GALNT13: variants seen among roughly 807,000 people sequenced by gnomAD.
GALNT13 encodes polypeptide N-acetylgalactosaminyltransferase 13.
A neutral mutation model predicts 64.2 loss-of-function variants in GALNT13; 28 were observed. That is an observed-to-expected ratio of 0.44 (90% CI 0.32 to 0.60). The LOEUF (loss-of-function observed/expected upper bound fraction) is 0.60. Among genes scored for constraint, GALNT13 ranks in the 20% least tolerant of loss-of-function variants. The probability of loss-of-function intolerance (pLI) is 0.05; values close to 1 mark genes in which losing one functional copy is unlikely to be tolerated. For synonymous variants in GALNT13, 214 were observed against 224.6 expected (o/e 0.95, Z 0.42); for missense variants, 577 against 669.8 (o/e 0.86, Z 1.53).
chr2:154,168,556 C>T (rs965232318), intron 4 of GALNT13, among the ~76,000 whole-genome samples: 7 of 151,458 alleles, frequency 4.6e-5, no homozygotes, highest in African/African-American at 1.2e-4. Context: ...GAGATTTGGC[C>T]GGGTGTAGTG....
At chr2:154,264,932 A>AAT (rs1690905211) in intron 8 of GALNT13, among the ~76,000 whole-genome samples, 1 of 151,134 alleles carries the variant, frequency 6.6e-6, no homozygotes, top group Admixed American at 6.6e-5. Context: ...ATATAAAAGG[A>AAT]ATATATATAA....
the GALNT13 span, among the ~76,000 whole-genome samples, chr2:153,830,046 G>T: frequency 6.6e-6 from 1 of 152,152 alleles, no homozygotes; most frequent in South Asian, 2.1e-4. Context: ...AGTTTTAAAA[G>T]TATTTTTAGA....
chr2:154,347,049 G>T (rs955446309), intron 9 of GALNT13, among the ~76,000 whole-genome samples: 3 of 152,016 alleles, frequency 2.0e-5, no homozygotes, highest in African/African-American at 4.8e-5. Context: ...ACCTCATGCA[G>T]AAAATTGGAA....
chr2:154,272,410 C>A (rs1691403059), intron 8 of GALNT13, among the ~76,000 whole-genome samples: 1 of 151,932 alleles, frequency 6.6e-6, no homozygotes. Flanking sequence ...TATTAGAGAC[C>A]AATGTCTAAA....
intron 3 of GALNT13, among the ~76,000 whole-genome samples, chr2:154,060,432 T>G (rs1700117645): frequency 6.6e-6 from 1 of 152,164 alleles, no homozygotes. Flanking sequence ...CTCATCTCGT[T>G]GCAACCTCCA....
intron 3 of GALNT13, among the ~76,000 whole-genome samples, chr2:154,029,430 T>C (rs1203617888): frequency 6.6e-6 from 1 of 152,062 alleles, no homozygotes; most frequent in Non-Finnish European, 1.5e-5. Context: ...AAGAAATGGC[T>C]ATCCATGTAT....
the GALNT13 span, among the ~76,000 whole-genome samples, chr2:153,691,128 A>G: frequency 6.6e-6 from 1 of 152,158 alleles, no homozygotes; most frequent in Non-Finnish European, 1.5e-5. Context: ...GTGGAGTACT[A>G]TAAGCAATGG....
At chr2:153,905,274 T>C (rs1688483070) in intron 2 of GALNT13, among the ~76,000 whole-genome samples, 1 of 151,956 alleles carries the variant, frequency 6.6e-6, no homozygotes, top group Non-Finnish European at 1.5e-5. Context: ...ATGAACATAA[T>C]ATATACAGCA....
chr2:153,474,740 A>G, the GALNT13 span, among the ~76,000 whole-genome samples: 1 of 152,146 alleles, frequency 6.6e-6, no homozygotes, highest in Non-Finnish European at 1.5e-5. Flanking sequence ...GTATTTCCAG[A>G]AGGGCTTCAG....
rs572812869 is a variant in GALNT13, at chr2:154,113,697, T to A, written c.143-26640T>A. ...TGCTCACTGGATCCAATCAGCATAA[T>A]GTCATCAATGTAATGGACAAGTGTG... On this transcript the variant is annotated intron_variant, in intron 3 of 12. Transcript: ENST00000392825. Among the ~76,000 whole-genome samples the A allele has an allele frequency of 2.0e-5, 3 of 152,322 alleles. No individual in the cohort carries two copies. In the South Asian group the frequency reaches 6.2e-4, roughly 32 times the overall value.
chr2:153,449,488 C>A, the GALNT13 span, among the ~76,000 whole-genome samples: 1 of 152,196 alleles, frequency 6.6e-6, no homozygotes, highest in Admixed American at 6.5e-5. Context: ...CGCTCCCTTC[C>A]ATTGTCCCTC....
At chr2:153,821,810 G>A in the GALNT13 span, among the ~76,000 whole-genome samples, 3 of 151,752 alleles carry the variant, frequency 2.0e-5, no homozygotes, top group Non-Finnish European at 2.9e-5. Context: ...TCTCTTAAAG[G>A]GTAAACAAGA....
chr2:153,194,400 TG>T, the GALNT13 span, among the ~76,000 whole-genome samples: 1 of 152,210 alleles, frequency 6.6e-6, no homozygotes, highest in Non-Finnish European at 1.5e-5. Flanking sequence ...AATTGTAATT[TG>T]TATTTTATTT....
At chr2:154,182,499 G>A (rs1686014388) in intron 4 of GALNT13, among the ~76,000 whole-genome samples, 2 of 151,768 alleles carry the variant, frequency 1.3e-5, no homozygotes, top group Admixed American at 1.3e-4. Context: ...CCCTATCCAT[G>A]TGGAATAATA....
At chr2:153,173,906 A>G in the GALNT13 span, among the ~76,000 whole-genome samples, 2 of 152,246 alleles carry the variant, frequency 1.3e-5, no homozygotes, top group African/African-American at 4.8e-5. Context: ...TGTTTCTAAA[A>G]TACAATAGTG....
chr2:153,919,980 GTTATA>G (rs879469404), intron 2 of GALNT13, among the ~76,000 whole-genome samples: 39 of 146,152 alleles, frequency 2.7e-4, no homozygotes, highest in South Asian at 8.5e-4. Flanking sequence ...ATATAATACA[GTTATA>G]TTATATATAT....
At chr2:153,445,811 A>C in the GALNT13 span, among the ~76,000 whole-genome samples, 3 of 152,326 alleles carry the variant, frequency 2.0e-5, no homozygotes, top group East Asian at 5.8e-4. Context: ...TTGATAGTGA[A>C]TAATGAGCAT....
At chr2:154,037,094 G>C (rs1001504739) in intron 3 of GALNT13, among the ~76,000 whole-genome samples, 1 of 152,032 alleles carries the variant, frequency 6.6e-6, no homozygotes, top group African/African-American at 2.4e-5. Context: ...GGAATTAAAG[G>C]TGATTTTATG....
rs551264132 is a variant in GALNT13, at chr2:153,921,195, T to C, written c.-105+20188T>C. Among the ~76,000 whole-genome samples the C allele has an allele frequency of 3.3e-5, 5 of 152,244 alleles. No individual in the cohort carries two copies. The South Asian group carries it at 8.3e-4, about 25-fold the overall frequency. On this transcript the variant is annotated intron_variant, in intron 2 of 12. Transcript: ENST00000392825. Reference sequence around the variant, plus strand: ...GACGTGTATATTCATTGCAGCACCATTCACAATAGCAGACATGAAATCAAC... The same window carrying C: ...GACGTGTATATTCATTGCAGCACCACTCACAATAGCAGACATGAAATCAAC...
Sources: gnomAD v4.1 joint callset for allele counts (sites outside exome capture counted in the v4.1 genomes callset) on GRCh38, gnomAD v4.1.1 for gene constraint, MANE v1.5 for transcripts, NCBI Gene and HGNC (gene_info 2026-07-23, HGNC 2026-07-21) for gene names.